The following CAST variants were observed in gnomAD, a reference collection of about 807,000 sequenced individuals.
CAST encodes the protein calpastatin.
CAST carries 76 observed loss-of-function variants against 119.6 expected under a neutral mutation model. The ratio of observed to expected loss-of-function variants is 0.64; its 90% CI spans 0.53 to 0.77. The LOEUF (loss-of-function observed/expected upper bound fraction) is 0.77. Ranked by LOEUF, CAST falls within the 30% of genes least tolerant of loss-of-function variation. The pLI, the probability that CAST is intolerant of heterozygous loss-of-function variation, is 0.00. For synonymous variants in CAST, 319 were observed against 331.6 expected, an observed-to-expected ratio of 0.96 and a Z score of 0.41; for missense variants, 953 against 946.5, an observed-to-expected ratio of 1.01 and a Z score of -0.09.
rs59338324 is a variant in CAST at position 96,765,327 on chromosome 5, T to TAAAAAAAAAAAAAAAA, written c.2037+13_2037+28dup. ...AAACCAATGGAAGATAAAGTAAAGG[T>TAAAAAAAAAAAAAAAA]AAAAAAAAAAAAAAAAAAAAAAAAA... On this transcript the variant is annotated splice_region_variant and intron_variant, in intron 26 of 31. Transcript: ENST00000675179. The TAAAAAAAAAAAAAAAA allele has an allele frequency of 2.2e-6, 1 of 457,942 alleles. No individual in the cohort carries two copies. Among genetic ancestry groups the TAAAAAAAAAAAAAAAA allele is most frequent in the Admixed American group, 4.8e-5 (1 of 20,880 alleles). 28.4% of individuals were successfully genotyped at this position (457,942 alleles called of 1,614,324 possible).
the CAST span, among the ~76,000 whole-genome samples, chr5:96,497,724 TA>T: frequency 1.3e-5 from 2 of 152,314 alleles, no homozygotes; most frequent in Non-Finnish European, 2.9e-5. Flanking sequence ...TTTTTCCTTG[TA>T]AATTTGTTTG....
chr5:96,664,645 G>A (rs542722361), intron 1 of CAST, among the ~76,000 whole-genome samples: 1 of 152,264 alleles, frequency 6.6e-6, no homozygotes, highest in African/African-American at 2.4e-5. Flanking sequence ...TTTTCAACCT[G>A]TTTTCACATG....
At chr5:96,140,121 A>T in the CAST span, among the ~76,000 whole-genome samples, 1 of 152,214 alleles carries the variant, frequency 6.6e-6, no homozygotes, top group Admixed American at 6.5e-5. Context: ...TCTTAGATTG[A>T]CATCCTAAAT....
intron 1 of CAST, among the ~76,000 whole-genome samples, chr5:96,538,224 T>C (rs771625600): frequency 4.6e-5 from 7 of 152,212 alleles, no homozygotes; most frequent in Non-Finnish European, 8.8e-5. Flanking sequence ...AGTGTCAAGT[T>C]CTAGGGATGG....
At chr5:96,425,064 GAA>G in the CAST span, among the ~76,000 whole-genome samples, 65 of 137,666 alleles carry the variant, frequency 4.7e-4, no homozygotes, top group Middle Eastern at 0.011. Flanking sequence ...AAGAAAGAAA[GAA>G]AGAAAGAAAA....
intron 1 of CAST, among the ~76,000 whole-genome samples, chr5:96,582,156 T>C (rs1461019140): frequency 6.6e-6 from 1 of 152,100 alleles, no homozygotes; most frequent in African/African-American, 2.4e-5. Context: ...AAAACATATG[T>C]CTACAAATTA....
At chr5:96,646,598 T>C (rs1453368283) in intron 1 of CAST, among the ~76,000 whole-genome samples, 2 of 152,238 alleles carry the variant, frequency 1.3e-5, no homozygotes. Flanking sequence ...TAAATTGCTC[T>C]ATTGGCTGTT....
chr5:96,470,220 A>G, the CAST span, among the ~76,000 whole-genome samples: 1 of 145,762 alleles, frequency 6.9e-6, no homozygotes, highest in African/African-American at 2.5e-5. Flanking sequence ...CGCACAGAAA[A>G]CTCTGAGTTT....
the CAST span, among the ~76,000 whole-genome samples, chr5:96,329,479 G>T: frequency 6.6e-6 from 1 of 152,132 alleles, no homozygotes; most frequent in Non-Finnish European, 1.5e-5. Context: ...GCCCACAGAT[G>T]CTGTAAATTT....
At chr5:96,196,048 C>T in the CAST span, among the ~76,000 whole-genome samples, 172 of 152,258 alleles carry the variant, frequency 1.1e-3, 1 homozygote, top group Admixed American at 9.5e-3. Context: ...GACTGGTTTT[C>T]AGAGTCTGCA....
Position 96,742,709 on chromosome 5 carries a change from C to A in CAST, c.1153C>A (p.Gln385Lys), listed in dbSNP as rs111386318. ...EALSASLGTR[Q>K]AEPELDLRSI... is the part of the protein sequence containing the mutation. The stretch of plus-strand genomic sequence containing the variant: ...TCTGTCGGCTTCACTGGGCACCCGG[C>A]AAGCAGAACCTGAGCTCGACCTCCG... The change falls in exon 16 of 32, where the codon CAA (glutamine) becomes AAA (lysine). Residue 385 changes from glutamine (Q) to lysine (K), a missense_variant. Coordinates refer to ENST00000675179, the MANE Select transcript of CAST (RefSeq NM_001750.7). The A allele has an allele frequency of 2.3e-5, 37 of 1,613,930 alleles. No individual in the cohort carries two copies. In the African/African-American group the frequency reaches 3.5e-4, roughly 15 times the overall value.
the CAST span, among the ~76,000 whole-genome samples, chr5:95,992,796 T>C: frequency 1.3e-5 from 2 of 152,304 alleles, no homozygotes; most frequent in Non-Finnish European, 2.9e-5. Context: ...ATGTGAGAAC[T>C]ATACCACTTT....
chr5:96,031,095 G>A, the CAST span, among the ~76,000 whole-genome samples: 1 of 152,008 alleles, frequency 6.6e-6, no homozygotes, highest in Admixed American at 6.6e-5. Flanking sequence ...TACGTATCAT[G>A]TGGTGATACT....
At chr5:96,074,661 A>G in the CAST span, among the ~76,000 whole-genome samples, 1 of 152,206 alleles carries the variant, frequency 6.6e-6, no homozygotes, top group Non-Finnish European at 1.5e-5. Flanking sequence ...GACTATGCAA[A>G]ATGACGAATG....
At chr5:96,246,187 C>CT in the CAST span, among the ~76,000 whole-genome samples, 17 of 76,412 alleles carry the variant, frequency 2.2e-4, no homozygotes, top group African/African-American at 4.9e-4. Flanking sequence ...GTCTGTCTTC[C>CT]TTTTTTTTTT....
chr5:96,485,227 C>T, the CAST span, among the ~76,000 whole-genome samples: 1 of 152,064 alleles, frequency 6.6e-6, no homozygotes, highest in Middle Eastern at 3.2e-3. Context: ...GCTGTCTTAC[C>T]TGAAGGAACA....
intron 16 of CAST, among the ~76,000 whole-genome samples, chr5:96,745,705 T>G (rs1763617323): frequency 6.6e-6 from 1 of 152,252 alleles, no homozygotes; most frequent in South Asian, 2.1e-4. Flanking sequence ...TTATTTGTAA[T>G]GCAGCTAGTT....
At chr5:96,735,585 G>A (rs993838384) in intron 9 of CAST, among the ~76,000 whole-genome samples, 7 of 152,224 alleles carry the variant, frequency 4.6e-5, no homozygotes, top group African/African-American at 7.2e-5. Context: ...GAATGGTGCC[G>A]AAAGGTGGCA....
chr5:96,260,269 G>A, the CAST span, among the ~76,000 whole-genome samples: 1 of 152,214 alleles, frequency 6.6e-6, no homozygotes, highest in Non-Finnish European at 1.5e-5. Context: ...AAACCGGAGA[G>A]CAAGGCTGAT....
Sources: allele counts gnomAD v4.1 joint callset (sites outside exome capture counted in the v4.1 genomes callset), GRCh38; gene constraint gnomAD v4.1.1; transcripts MANE v1.5; gene names NCBI Gene and HGNC (gene_info 2026-07-23, HGNC 2026-07-21).